Variants in CYP2A7 observed in about 807,000 individuals in gnomAD.
CYP2A7 encodes cytochrome P450 2A7.
Under a neutral mutation model 42.0 loss-of-function variants are expected in CYP2A7, and 36 were observed. That is an observed-to-expected ratio of 0.86 (90% CI 0.66 to 1.13). The LOEUF is 1.13. Among genes scored for constraint, CYP2A7 ranks in the 50% most tolerant of loss-of-function variants. The pLI is 0.00. For synonymous variants in CYP2A7, 260 were observed against 249.5 expected (o/e 1.04, Z -0.40); for missense variants, 661 against 634.1 (o/e 1.04, Z -0.46).
chr19:40,881,891 C>T, intron 1 of CYP2A7, 140 bp from the exon 2 acceptor site: 6 of 1,506,668 alleles, frequency 4.0e-6, no homozygotes, highest in Non-Finnish European at 5.3e-6. Flanking sequence ...TCCTGTCTTT[C>T]CTGGCTAGGA....
rs201273987 is a variant in CYP2A7 at position 40,877,820 on chromosome 19, G to A, written c.973+32C>T. The A allele has an allele frequency of 4.8e-3, 7,633 of 1,586,298 alleles. 185 individuals carry two copies. Among genetic ancestry groups the A allele is most frequent in the Non-Finnish European group, 5.9e-3 (6,945 of 1,167,638 alleles). The stretch of plus-strand genomic sequence containing the variant: ...TCGAAGGGGAATTTTGAGGGTCTGG[G>A]GCCCTCCACTTCCGTCCCCCTCCAG... On this transcript the variant is annotated intron_variant, in intron 6 of 8. Transcript: ENST00000301146.
At chr19:40,878,126 C>G (rs186325911) in intron 5 of CYP2A7, 133 bp from the exon 6 acceptor site, 2 of 1,001,520 alleles carry the variant, frequency 2.0e-6, no homozygotes, top group African/African-American at 1.6e-5. Flanking sequence ...CTACCAGACT[C>G]GCTCTAGGTT....
At chr19:40,881,211 A>G (rs565479147) in intron 2 of CYP2A7, among the ~76,000 whole-genome samples, 46 of 151,388 alleles carry the variant, frequency 3.0e-4, no homozygotes, top group African/African-American at 1.1e-3. Flanking sequence ...AAAGTGAGAG[A>G]GGGAAGTGGA....
At chr19:40,881,905 G>A (rs894227652) in intron 1 of CYP2A7, 126 bp downstream of exon 1, 62 of 1,501,596 alleles carry the variant, frequency 4.1e-5, no homozygotes, top group South Asian at 2.0e-4. Flanking sequence ...GCTAGGACCC[G>A]GATGCTGAAA....
In CYP2A7 at chr19:40,877,377, G is replaced by A; in HGVS notation, c.974C>T (p.Ala325Val). The change falls in exon 7 of 9, where the codon GCC becomes GTC. Residue 325 changes from alanine (A) to valine (V), a missense_variant and splice_region_variant. Ala to Val is a moderately conservative substitution (Grantham distance 64). This residue lies in a region of CYP2A7 where 614 missense variants were observed against 552.4 expected (regional missense o/e 1.11). Coordinates refer to ENST00000301146, the MANE Select transcript of CYP2A7 (RefSeq NM_000764.3). ...TCTGTCAATCTCCTCATGGACCTTG[G>A]CTGGGGGAGGAGGGGGAATGTGTTT... ...LLLMKHPEVE[A>V]KVHEEIDRVI... is the part of the protein sequence containing the mutation. 1 of 1,611,350 alleles carries A rather than the reference G, an allele frequency of 6.2e-7. No individual in the cohort carries two copies.
intron 8 of CYP2A7, chr19:40,876,276 G>A: frequency 1.6e-6 from 1 of 617,886 alleles, no homozygotes; most frequent in Non-Finnish European, 2.8e-6. Flanking sequence ...TCCTTTTTAG[G>A]GATCTGAGGA....
chr19:40,882,016 C>T lies in CYP2A7; in HGVS notation c.180+15G>A. ...GCCCCCACCCTGTGCCACCCATCTTCCTGCCTTGGGACACCTTCATGATGG... is the reference window on the plus strand; with the variant it reads ...GCCCCCACCCTGTGCCACCCATCTTTCTGCCTTGGGACACCTTCATGATGG... On this transcript the variant is annotated intron_variant, in intron 1 of 8. Coordinates refer to ENST00000301146, the MANE Select transcript of CYP2A7 (RefSeq NM_000764.3). 1 of 1,607,632 alleles carries T rather than the reference C, an allele frequency of 6.2e-7. No individual in the cohort carries two copies.
chr19:40,878,760 C>T lies in CYP2A7; in HGVS notation c.831G>A (p.Glu277=). 6.2e-7 allele frequency: 1 copy of T among 1,611,190 alleles called. No homozygotes were observed. The highest frequency in any genetic ancestry group is 1.1e-5 in the South Asian group (1 of 90,832). The change falls in exon 5 of 9, where the codon GAG becomes GAA. Residue 277 remains glutamate, a splice_region_variant and synonymous_variant. Transcript: ENST00000301146. ...CCCCGCACTGGCTGCTGGGGTGTACCTCCTGCATGTGGATGAGAAAGGAGT... is the reference window on the plus strand; with the variant it reads ...CCCCGCACTGGCTGCTGGGGTGTACTTCCTGCATGTGGATGAGAAAGGAGT... The part of the protein sequence containing the change: ...FIDSFLIHMQ[E]EEKNPNTEFY...
intron 4 of CYP2A7, 39 bp from the exon 5 acceptor site, chr19:40,878,975 T>C (rs1193501132): frequency 6.3e-7 from 1 of 1,583,156 alleles, no homozygotes; most frequent in South Asian, 1.1e-5. Flanking sequence ...GAAGGACAGC[T>C]GTCACGGGGC....
intron 5 of CYP2A7, among the ~76,000 whole-genome samples, chr19:40,878,253 C>A (rs3882550): frequency 1.3e-5 from 2 of 151,516 alleles, no homozygotes; most frequent in East Asian, 3.9e-4. Context: ...TTTTTTCTTA[C>A]ACTGACTTGG....
At position 40,881,727 on chromosome 19, in the gene CYP2A7, A is replaced by C. The variant is rs1274695398; in HGVS notation, c.205T>G (p.Phe69Val). The C allele has an allele frequency of 6.2e-7, 1 of 1,600,644 alleles. No homozygotes were observed. The highest frequency in any genetic ancestry group is 2.2e-5 in the East Asian group (1 of 44,740). ...MKFSECYGPVFTIHLGPRRVV... is the reference protein window; with the variant it reads ...MKFSECYGPVVTIHLGPRRVV... Reference sequence around the variant, plus strand: ...CGCCGGGGCCCCAAGTGAATGGTGAACACGGGGCCATAGCACTCACTGAAC... The same window carrying C: ...CGCCGGGGCCCCAAGTGAATGGTGACCACGGGGCCATAGCACTCACTGAAC... The change falls in exon 2 of 9, where the codon TTC (phenylalanine) becomes GTC (valine). Residue 69 changes from phenylalanine to valine, a missense_variant. Phe to Val is a conservative substitution (Grantham distance 50). Coordinates refer to ENST00000301146, the MANE Select transcript of CYP2A7 (RefSeq NM_000764.3).
Position 40,876,567 on chromosome 19 carries a change from C to A in CYP2A7, c.1263G>T (p.Gly421=), listed in dbSNP as rs754632816. The change falls in exon 8 of 9, where the codon GGG becomes GGT. Residue 421 remains glycine, a synonymous_variant. Transcript: ENST00000301146. ...CAAAAGCATCACTCTTCTTAAACTG[C>A]CCCTTGTCATCCAGGAAATGCTGGG... ...FNPQHFLDDK[G]QFKKSDAFVP... 44 of 1,612,926 alleles carry A rather than the reference C, an allele frequency of 2.7e-5. No individual in the cohort carries two copies. The highest frequency in any genetic ancestry group is 4.5e-5 in the East Asian group (2 of 44,886).
intron 1 of CYP2A7, 105 bp downstream of exon 1, chr19:40,881,926 C>A: frequency 1.3e-6 from 2 of 1,512,510 alleles, no homozygotes; most frequent in South Asian, 2.6e-5. Context: ...CTCCAAAACT[C>A]CCTTTCCTAA....
At chr19:40,877,782 G>T (rs1234059747) in intron 6 of CYP2A7, 70 bp downstream of exon 6, 1 of 1,546,780 alleles carries the variant, frequency 6.5e-7, no homozygotes, top group East Asian at 2.2e-5. Flanking sequence ...GACAGGTAGG[G>T]ACATTGCACC....
rs1295910065 is a variant in CYP2A7, at chr19:40,881,629, T to C, written c.303A>G (p.Arg101=). 6.2e-7 allele frequency: 1 copy of C among 1,612,656 alleles called. No individual in the cohort carries two copies. ...CCCAGTCGAAGGTGGCTTGCTCGCC[T>C]CGCCCGCTGAACTCCTCAGCCTGGT... The part of the protein sequence containing the change: ...LVDQAEEFSG[R]GEQATFDWVF... Residue 101 remains arginine, a synonymous_variant, in exon 2 of 9, where the codon CGA becomes CGG. Coordinates refer to ENST00000301146, the MANE Select transcript of CYP2A7 (RefSeq NM_000764.3).
rs769279141 is a variant in CYP2A7, at chr19:40,875,467, A to G, written c.*226T>C. On this transcript the variant is annotated 3_prime_UTR_variant, in exon 9 of 9. Coordinates refer to ENST00000301146, the MANE Select transcript of CYP2A7 (RefSeq NM_000764.3). ...GGAAATAAGAGCTGCTATTATTACT[A>G]CTCTTCATAGCATAATGTAAGGTTT... 2 of 592,914 alleles carry G rather than the reference A, an allele frequency of 3.4e-6. No homozygotes were observed. The highest frequency in any genetic ancestry group is 3.2e-5 in the Admixed American group (1 of 31,532). The allele number at this position is 592,914 out of a possible 1,614,324, so 36.7% of individuals were successfully genotyped here.
intron 4 of CYP2A7, 136 bp from the exon 5 acceptor site, chr19:40,879,072 G>A (rs1967600832): frequency 1.5e-5 from 20 of 1,340,584 alleles, no homozygotes; most frequent in Non-Finnish European, 1.8e-5. Context: ...ATTTCAGTGG[G>A]GTCGGATAGG....
In CYP2A7 at chr19:40,882,077, T is replaced by C; in HGVS notation, c.134A>G (p.Asn45Ser). The C allele has an allele frequency of 6.2e-7, 1 of 1,613,866 alleles. No homozygotes were observed. The highest frequency in any genetic ancestry group is 8.5e-7 in the Non-Finnish European group (1 of 1,179,870). Residue 45 changes from asparagine (N) to serine (S), a missense_variant, in exon 1 of 9, where the codon AAC becomes AGC. By Grantham distance (46) the Asn-to-Ser change is conservative (BLOSUM62 1). This residue lies in a region of CYP2A7 where 614 missense variants were observed against 552.4 expected (regional missense o/e 1.11). Coordinates refer to ENST00000301146, the MANE Select transcript of CYP2A7 (RefSeq NM_000764.3). ...GTGCTCTGTGTTCAGCTGGAGGTAG[T>C]TTCCAATGAAGGGCAGTGGGGTGGG... ...PGPTPLPFIG[N>S]YLQLNTEHIC...
rs1369038404 is a variant in CYP2A7, at chr19:40,877,372, C to T, written c.979G>A (p.Val327Ile). 2 of 1,611,344 alleles carry T rather than the reference C, an allele frequency of 1.2e-6. No individual in the cohort carries two copies. The highest frequency in any genetic ancestry group is 1.7e-5 in the Admixed American group (1 of 59,798). ...LMKHPEVEAK[V>I]HEEIDRVIGK... Reference sequence around the variant, plus strand: ...ATCACTCTGTCAATCTCCTCATGGACCTTGGCTGGGGGAGGAGGGGGAATG... The same window carrying T: ...ATCACTCTGTCAATCTCCTCATGGATCTTGGCTGGGGGAGGAGGGGGAATG... The change falls in exon 7 of 9, where the codon GTC becomes ATC. Residue 327 changes from valine to isoleucine, a missense_variant. Physicochemically the swap from Val to Ile is conservative, Grantham distance 29. This residue lies in a region of CYP2A7 where 614 missense variants were observed against 552.4 expected (regional missense o/e 1.11). Coordinates refer to ENST00000301146, the MANE Select transcript of CYP2A7 (RefSeq NM_000764.3).
Sources: gnomAD v4.1 joint callset for allele counts (sites outside exome capture counted in the v4.1 genomes callset) on GRCh38, gnomAD v4.1.1 for gene constraint, gnomAD v4.1.1 regional missense constraint, MANE v1.5 for transcripts, NCBI Gene and HGNC (gene_info 2026-07-23, HGNC 2026-07-21) for gene names.